The following MICAL3 variants were observed in gnomAD, a reference collection of about 807,000 sequenced individuals.
MICAL3 encodes the protein microtubule associated monooxygenase, calponin and LIM domain containing 3, also known as [F-actin]-monooxygenase MICAL3.
In MICAL3, 62 loss-of-function variants were observed where a neutral mutation model predicts 207.4. That is an observed-to-expected ratio of 0.30 (90% CI 0.24 to 0.37). The LOEUF (loss-of-function observed/expected upper bound fraction) is 0.37, where lower values mean the gene tolerates loss of function less well. MICAL3 is among the 10% of genes least tolerant of loss of function. The pLI, the probability that MICAL3 is intolerant of heterozygous loss-of-function variation, is 1.00. For synonymous variants in MICAL3, 1,077 were observed against 1,069.3 expected, an observed-to-expected ratio of 1.01 and a Z score of -0.14; for missense variants, 2,368 against 2,635.6, an observed-to-expected ratio of 0.90 and a Z score of 2.22.
At chr22:17,896,673 T>A in intron 8 of MICAL3, 51 bp downstream of exon 8, 2 of 1,580,852 alleles carry the variant, frequency 1.3e-6, no homozygotes. Context: ...CCAGATTCAC[T>A]CCTAATTATT....
intron 21 of MICAL3, among the ~76,000 whole-genome samples, chr22:17,829,700 C>T (rs1453614445): frequency 6.6e-6 from 1 of 152,246 alleles, no homozygotes; most frequent in African/African-American, 2.4e-5. Flanking sequence ...TTCCTCCTTT[C>T]TCAGAGAAAC....
rs1490144809 is a variant in MICAL3 at position 17,818,992 on chromosome 22, GA to G, written c.3668del (p.Ile1223ThrfsTer6). 6.2e-7 allele frequency: 1 copy of G among 1,609,762 alleles called. No homozygotes were observed. The highest frequency in any genetic ancestry group is 1.3e-5 in the African/African-American group (1 of 74,942). ...CTGGCAGGGTCACTGGCTGTGATCG[GA>G]TGGGAGAGTGCACAGCTTTCAGATC... is the stretch of plus-strand genomic sequence containing the variant. ...PSDLKAVHSPIRSQPVTLPEA... is the reference protein window; with the variant it reads ...PSDLKAVHSPXRSQPVTLPEA... On this transcript the variant is annotated frameshift_variant, in exon 26 of 32. Coordinates refer to ENST00000441493, the MANE Select transcript of MICAL3 (RefSeq NM_015241.3). LOFTEE classifies it high-confidence loss of function.
intron 1 of MICAL3, among the ~76,000 whole-genome samples, chr22:17,962,917 T>A (rs531801007): frequency 1.3e-5 from 2 of 151,766 alleles, no homozygotes; most frequent in South Asian, 4.2e-4. Context: ...CCCAGCTAAA[T>A]TTTTTTTTAA....
intron 22 of MICAL3, 98 bp downstream of exon 22, chr22:17,827,546 G>A (rs1922333113): frequency 7.4e-7 from 1 of 1,349,256 alleles, no homozygotes. Flanking sequence ...GTGACCTCAT[G>A]GGTGGCTCTG....
intron 1 of MICAL3, among the ~76,000 whole-genome samples, chr22:17,934,224 C>A (rs1933408664): frequency 6.6e-6 from 1 of 152,172 alleles, no homozygotes; most frequent in South Asian, 2.1e-4. Context: ...TACTGGCAAA[C>A]CAAATCCAGC....
intron 1 of MICAL3, 32 bp downstream of exon 1, chr22:18,024,249 G>T (rs1027604211): frequency 6.6e-6 from 1 of 152,362 alleles, no homozygotes; most frequent in East Asian, 1.9e-4. Flanking sequence ...ATTTAGATTC[G>T]CTCGCCCACA....
intron 12 of MICAL3, 116 bp from the exon 13 acceptor site, chr22:17,889,346 G>A: frequency 2.9e-6 from 2 of 692,736 alleles, no homozygotes; most frequent in South Asian, 4.5e-5. Context: ...AGGGTGCTGT[G>A]CATCGCTGAC....
intron 1 of MICAL3, among the ~76,000 whole-genome samples, chr22:17,941,168 A>G (rs1301460268): frequency 6.6e-6 from 1 of 152,206 alleles, no homozygotes; most frequent in African/African-American, 2.4e-5. Context: ...TCTCATAACA[A>G]GTCTTCACTC....
intron 1 of MICAL3, among the ~76,000 whole-genome samples, chr22:17,951,940 G>A (rs970046870): frequency 3.3e-4 from 50 of 151,984 alleles, no homozygotes; most frequent in Non-Finnish European, 4.3e-4. Flanking sequence ...CAAGTGATCC[G>A]CCCGCCTCGG....
chr22:17,918,520 A>G (rs1336556438), intron 1 of MICAL3, among the ~76,000 whole-genome samples: 1 of 152,140 alleles, frequency 6.6e-6, no homozygotes, highest in African/African-American at 2.4e-5. Context: ...GCAGCAGCAC[A>G]TATCACGTAG....
chr22:17,890,133 G>C (rs73876527), intron 12 of MICAL3, among the ~76,000 whole-genome samples: 1,833 of 152,154 alleles, frequency 0.012, 39 homozygotes, highest in African/African-American at 0.041. Flanking sequence ...AAGACTGATC[G>C]CATTCTTCTT....
At chr22:17,963,301 AG>A (rs1935000293) in intron 1 of MICAL3, among the ~76,000 whole-genome samples, 1 of 152,092 alleles carries the variant, frequency 6.6e-6, no homozygotes, top group African/African-American at 2.4e-5. Flanking sequence ...TTGTAGAGAC[AG>A]GGTTTCAACA....
At chr22:17,946,458 C>T (rs1934071631) in intron 1 of MICAL3, among the ~76,000 whole-genome samples, 2 of 152,092 alleles carry the variant, frequency 1.3e-5, no homozygotes, top group Non-Finnish European at 2.9e-5. Context: ...AGGGAACTAA[C>T]TTATAAATGG....
chr22:17,886,895 T>C lies in MICAL3; in HGVS notation c.2067+275A>G, dbSNP rs567947943. Among the ~76,000 whole-genome samples, 10 of 140,672 alleles carry C rather than the reference T, an allele frequency of 7.1e-5. 1 individual carries two copies. In the South Asian group the frequency reaches 1.3e-3, roughly 19 times the overall value. 92.3% of individuals were successfully genotyped at this position (140,672 alleles called of 152,430 possible). On this transcript the variant is annotated intron_variant, in intron 15 of 31. Transcript: ENST00000441493. ...TACTTGGGAGGCTGAGGCAGGAGAA[T>C]TGCTTGAACCCAAATCCAGGAAGTG...
intron 1 of MICAL3, among the ~76,000 whole-genome samples, chr22:17,995,569 G>C (rs1009042890): frequency 6.5e-5 from 9 of 139,498 alleles, no homozygotes; most frequent in African/African-American, 2.5e-4. Flanking sequence ...GCAGTGGTGC[G>C]ATCTCCGCTC....
intron 1 of MICAL3, among the ~76,000 whole-genome samples, chr22:17,950,734 T>C (rs1211205332): frequency 6.6e-6 from 1 of 152,202 alleles, no homozygotes; most frequent in African/African-American, 2.4e-5. Context: ...TCTTACTGAC[T>C]GGCTTGAGAA....
intron 1 of MICAL3, among the ~76,000 whole-genome samples, chr22:17,963,169 G>A (rs978794011): frequency 6.6e-6 from 1 of 152,124 alleles, no homozygotes; most frequent in African/African-American, 2.4e-5. Flanking sequence ...CTGTAGTGCA[G>A]TGGGGTGATC....
chr22:17,916,544 C>T (rs1464065332), intron 1 of MICAL3, among the ~76,000 whole-genome samples: 2 of 152,238 alleles, frequency 1.3e-5, no homozygotes, highest in African/African-American at 4.8e-5. Context: ...TTGTCCTCAG[C>T]CCTCCACAGA....
At chr22:18,018,389 G>T (rs1423497169) in intron 1 of MICAL3, among the ~76,000 whole-genome samples, 3 of 152,074 alleles carry the variant, frequency 2.0e-5, no homozygotes, top group Non-Finnish European at 4.4e-5. Context: ...TTCATAATAA[G>T]AAATATATTT....
Sources: gnomAD v4.1 joint callset for allele counts (sites outside exome capture counted in the v4.1 genomes callset) on GRCh38, gnomAD v4.1.1 for gene constraint, MANE v1.5 for transcripts, NCBI Gene and HGNC (gene_info 2026-07-23, HGNC 2026-07-21) for gene names.